HAPLN2: variants seen among roughly 807,000 people sequenced by gnomAD.
The protein encoded by HAPLN2 is brain link protein-1.
Under a neutral mutation model 29.3 loss-of-function variants are expected in HAPLN2, and 27 were observed. The observed-to-expected ratio is 0.92, with a 90% CI of 0.68 to 1.27. HAPLN2 has a LOEUF of 1.27. Ranked by LOEUF, HAPLN2 falls within the 50% of genes most tolerant of loss-of-function variation. The pLI is 0.00. For synonymous variants in HAPLN2, 208 were observed against 211.7 expected (o/e 0.98, Z 0.15); for missense variants, 454 against 484.3 (o/e 0.94, Z 0.59).
At chr1:156,615,039 A>G (rs1419098286), upstream of HAPLN2, 5 of 152,188 alleles carry the variant, frequency 3.3e-5, no homozygotes, top group Admixed American at 2.6e-4. Context: ...CAGGAGCTTC[A>G]TACAATCATT....
chr1:156,608,166 A>T, the HAPLN2 span, among the ~76,000 whole-genome samples: 1 of 152,268 alleles, frequency 6.6e-6, no homozygotes, highest in African/African-American at 2.4e-5. Flanking sequence ...AATATTGCCC[A>T]GATTTGTGCT....
At chr1:156,616,301 G>C (rs771046097), upstream of HAPLN2, among the ~76,000 whole-genome samples, 11 of 152,300 alleles carry the variant, frequency 7.2e-5, no homozygotes, top group East Asian at 1.2e-3. Context: ...TCCCATTTTA[G>C]CGTCTGGGGG....
Position 156,625,715 on chromosome 1 carries a change from TG to T in HAPLN2, c.*335del, listed in dbSNP as rs1678428876. ...CTCTGAGTACAGCAATAAAATAACC[TG>T]GGGATCTTTTGTGTTGGGTGGAGCT... On this transcript the variant is annotated 3_prime_UTR_variant, in exon 7 of 7. Transcript: ENST00000255039. The surrounding 1 kb of genome is among the most constrained non-coding windows in gnomAD (Gnocchi z 5.7). 3.7e-5 allele frequency: 10 copies of T among 268,896 alleles called. No individual in the cohort carries two copies. In the East Asian group the frequency reaches 8.0e-4, roughly 21 times the overall value. The allele number at this position is 268,896 out of a possible 1,614,324, so 16.7% of individuals were successfully genotyped here.
At chr1:156,611,155 C>T in the HAPLN2 span, among the ~76,000 whole-genome samples, 140 of 151,758 alleles carry the variant, frequency 9.2e-4, 1 homozygote, top group African/African-American at 3.3e-3. Flanking sequence ...TGGTGGTACA[C>T]GCCTGTAATC....
chr1:156,611,594 C>A, the HAPLN2 span, among the ~76,000 whole-genome samples: 41 of 152,044 alleles, frequency 2.7e-4, no homozygotes, highest in South Asian at 1.5e-3. Flanking sequence ...AACAAAAAAA[C>A]CCCTAAAACT....
At chr1:156,604,427 C>T in the HAPLN2 span, among the ~76,000 whole-genome samples, 1 of 151,988 alleles carries the variant, frequency 6.6e-6, no homozygotes, top group Non-Finnish European at 1.5e-5. Flanking sequence ...GTAGCTGGGA[C>T]TACAGGTGCG....
In HAPLN2 at chr1:156,625,052, C is replaced by T; in HGVS notation, c.740-49C>T. 1.3e-6 allele frequency: 2 copies of T among 1,522,806 alleles called. No individual in the cohort carries two copies. Among genetic ancestry groups the T allele is most frequent in the Non-Finnish European group, 1.8e-6 (2 of 1,141,170 alleles). The allele number at this position is 1,522,806 out of a possible 1,614,324, so 94.3% of individuals were successfully genotyped here. On this transcript the variant is annotated intron_variant, in intron 6 of 6. Coordinates refer to ENST00000255039, the MANE Select transcript of HAPLN2 (RefSeq NM_021817.3). This position sits in a 1 kb window ranked among gnomAD's most constrained non-coding sequence, Gnocchi z 5.7. ...ACTCCGCCTCCTGGGTGTCAGCCGC[C>T]CCTCTCCGCCCACCCTGCCCTCGGT...
chr1:156,602,549 CAAAAAAAAAAAAAA>C, the HAPLN2 span, among the ~76,000 whole-genome samples: 1 of 43,788 alleles, frequency 2.3e-5, no homozygotes, highest in African/African-American at 7.1e-5. Context: ...CTAAAAATAC[CAAAAAAAAAAAAAA>C]AAAAAAAAAA....
chr1:156,608,514 C>T, the HAPLN2 span, among the ~76,000 whole-genome samples: 1 of 151,628 alleles, frequency 6.6e-6, no homozygotes, highest in Admixed American at 6.6e-5. Flanking sequence ...CTTTTCTTTT[C>T]TTTTCTTTCC....
chr1:156,624,904 C>T lies in HAPLN2; in HGVS notation c.739+121C>T, dbSNP rs1481743705. On this transcript the variant is annotated intron_variant, in intron 6 of 6. Coordinates refer to ENST00000255039, the MANE Select transcript of HAPLN2 (RefSeq NM_021817.3). ...GGGTCCCTCCAAGGCACCGCCCCCC[C>T]ATCAGCCCGCCCGCCCGCCCAGGCT... is the stretch of plus-strand genomic sequence containing the variant. The T allele has an allele frequency of 4.2e-6, 5 of 1,185,100 alleles. No individual in the cohort carries two copies. In the African/African-American group the frequency reaches 4.7e-5, roughly 11 times the overall value. 73.4% of individuals were successfully genotyped at this position (1,185,100 alleles called of 1,614,324 possible). A position where few individuals can be genotyped will look rare whatever the true frequency, so the allele number is the denominator to read the frequency against.
the HAPLN2 span, among the ~76,000 whole-genome samples, chr1:156,604,988 G>T: frequency 9.1e-4 from 138 of 151,444 alleles, 2 homozygotes; most frequent in Admixed American, 6.1e-3. Context: ...AGGACCAGCT[G>T]GGAGCAGTGG....
chr1:156,611,490 G>A, the HAPLN2 span, among the ~76,000 whole-genome samples: 3 of 152,082 alleles, frequency 2.0e-5, no homozygotes, highest in Admixed American at 6.6e-5. Context: ...ACTTGAACCT[G>A]GGAAGTGGAA....
Position 156,624,752 on chromosome 1 carries a change from C to T in HAPLN2, c.708C>T (p.Tyr236=). The T allele has an allele frequency of 6.5e-7, 1 of 1,542,198 alleles. No individual in the cohort carries two copies. Among genetic ancestry groups the T allele is most frequent in the South Asian group, 1.2e-5 (1 of 81,916 alleles). ...YGPRDRMRDR[Y]DAFCFTSALA... The stretch of plus-strand genomic sequence containing the variant: ...CCCGCGACCGGATGCGCGACCGCTA[C>T]GACGCCTTCTGCTTCACCTCCGCGC... The change falls in exon 6 of 7, where the codon TAC becomes TAT. Residue 236 remains tyrosine, a synonymous_variant. Coordinates refer to ENST00000255039, the MANE Select transcript of HAPLN2 (RefSeq NM_021817.3).
Position 156,624,097 on chromosome 1 carries a change from T to C in HAPLN2, c.376T>C (p.Tyr126His). The C allele has an allele frequency of 6.2e-7, 1 of 1,613,674 alleles. No homozygotes were observed. The highest frequency in any genetic ancestry group is 8.5e-7 in the Non-Finnish European group (1 of 1,179,908). ...CGTGCGCCTGGAGGACGAGGGCCGG[T>C]ACCGCTGCGAGCTCATCAACGGCAT... is the stretch of plus-strand genomic sequence containing the variant. The part of the protein sequence containing the change: ...AGVRLEDEGR[Y>H]RCELINGIED... Residue 126 changes from tyrosine to histidine, a missense_variant, in exon 4 of 7, where the codon TAC (tyrosine) becomes CAC (histidine). By Grantham distance (83) the Tyr-to-His change is moderately conservative. This residue lies in a region of HAPLN2 where 204 missense variants were observed against 209.2 expected (regional missense o/e 0.98). Transcript: ENST00000255039.
At chr1:156,603,469 G>A in the HAPLN2 span, among the ~76,000 whole-genome samples, 1 of 149,004 alleles carries the variant, frequency 6.7e-6, no homozygotes, top group Non-Finnish European at 1.5e-5. Context: ...ATATGTGTGT[G>A]TGTATTATAT....
intron 2 of HAPLN2, among the ~76,000 whole-genome samples, chr1:156,622,500 G>A (rs888333132): frequency 1.3e-5 from 2 of 151,944 alleles, no homozygotes; most frequent in African/African-American, 2.4e-5. Context: ...GCACTACAGT[G>A]TGGCAAACTG....
At chr1:156,613,726 G>C in the HAPLN2 span, among the ~76,000 whole-genome samples, 8 of 151,906 alleles carry the variant, frequency 5.3e-5, no homozygotes, top group Admixed American at 5.3e-4. Context: ...GATCAGCCTG[G>C]CCAACATGGT....
At chr1:156,609,030 C>G in the HAPLN2 span, among the ~76,000 whole-genome samples, 1 of 152,186 alleles carries the variant, frequency 6.6e-6, no homozygotes, top group Non-Finnish European at 1.5e-5. Flanking sequence ...GGAATCCCAG[C>G]CTTATTCATT....
upstream of HAPLN2, among the ~76,000 whole-genome samples, chr1:156,618,565 G>C (rs1376977263): frequency 6.6e-6 from 1 of 151,904 alleles, no homozygotes; most frequent in Non-Finnish European, 1.5e-5. Context: ...GGATCACCAG[G>C]TCAGGAGATC....
Sources: gnomAD v4.1 joint callset for allele counts (sites outside exome capture counted in the v4.1 genomes callset) on GRCh38, gnomAD v4.1.1 for gene constraint, gnomAD v4.1.1 regional missense constraint, Gnocchi (gnomAD v3.1) non-coding constraint, MANE v1.5 for transcripts, NCBI Gene and HGNC (gene_info 2026-07-23, HGNC 2026-07-21) for gene names.